SLC13A3: variants seen among roughly 807,000 people sequenced by gnomAD.
The protein encoded by SLC13A3 is solute carrier family 13 member 3.
SLC13A3 carries 40 observed loss-of-function variants against 59.0 expected under a neutral mutation model. That is an observed-to-expected ratio of 0.68 (90% CI 0.53 to 0.88). The LOEUF is 0.88. SLC13A3 is among the 40% of genes least tolerant of loss of function. SLC13A3 has a pLI of 0.00. For synonymous variants in SLC13A3, 317 were observed against 330.3 expected (o/e 0.96, Z 0.44); for missense variants, 699 against 783.2 (o/e 0.89, Z 1.28).
At chr20:46,675,010 G>A (rs1288740257), upstream of SLC13A3, among the ~76,000 whole-genome samples, 1 of 152,116 alleles carries the variant, frequency 6.6e-6, no homozygotes, top group Non-Finnish European at 1.5e-5. Context: ...AATGAGGGAG[G>A]CAGCCATGTG....
At chr20:46,603,070 C>T (rs1489146885) in intron 3 of SLC13A3, among the ~76,000 whole-genome samples, 1 of 151,866 alleles carries the variant, frequency 6.6e-6, no homozygotes, top group East Asian at 1.9e-4. Flanking sequence ...CCCAGCTACT[C>T]AGGAGGCTGA....
At chr20:46,648,233 C>CT (rs113781450) in intron 1 of SLC13A3, among the ~76,000 whole-genome samples, 77 of 147,890 alleles carry the variant, frequency 5.2e-4, no homozygotes, top group African/African-American at 7.4e-4. Context: ...GTGAGCTGCA[C>CT]TTTTTTTTTT....
At chr20:46,612,147 T>TTTTTG (rs1555879622) in intron 2 of SLC13A3, among the ~76,000 whole-genome samples, 1 of 145,558 alleles carries the variant, frequency 6.9e-6, no homozygotes, top group Non-Finnish European at 1.5e-5. Context: ...TTTTTTTTTT[T>TTTTTG]GAGACAGGGT....
intron 1 of SLC13A3, among the ~76,000 whole-genome samples, chr20:46,664,943 C>CA (rs1447585350): frequency 6.6e-6 from 1 of 152,068 alleles, no homozygotes; most frequent in Non-Finnish European, 1.5e-5. Flanking sequence ...AGCAAGGACT[C>CA]AAAGTAGGAT....
At chr20:46,575,851 A>G (rs1188740693) in intron 9 of SLC13A3, among the ~76,000 whole-genome samples, 166 bp from the exon 10 acceptor site, 2 of 152,168 alleles carry the variant, frequency 1.3e-5, no homozygotes, top group African/African-American at 4.8e-5. Context: ...CACAGGCATC[A>G]TGATAGGTGG....
intron 1 of SLC13A3, among the ~76,000 whole-genome samples, chr20:46,637,222 C>G (rs944449029): frequency 3.3e-5 from 5 of 152,178 alleles, no homozygotes; most frequent in Admixed American, 3.3e-4. Context: ...GAAGCTGGTC[C>G]TGGGGGAAGC....
At chr20:46,670,326 A>G (rs1331336851), upstream of SLC13A3, among the ~76,000 whole-genome samples, 1 of 151,986 alleles carries the variant, frequency 6.6e-6, no homozygotes, top group Non-Finnish European at 1.5e-5. Context: ...TCATGGCTTG[A>G]GCTCCAGCAG....
chr20:46,622,522 C>T (rs1362812235), intron 1 of SLC13A3, among the ~76,000 whole-genome samples: 4 of 151,912 alleles, frequency 2.6e-5, no homozygotes, highest in African/African-American at 9.7e-5. Flanking sequence ...CATTTATTTG[C>T]CTATTGTACT....
chr20:46,632,902 T>TAGAC (rs1414128597), intron 1 of SLC13A3, among the ~76,000 whole-genome samples: 971 of 50,122 alleles, frequency 0.019, 26 homozygotes, highest in South Asian at 0.028. Flanking sequence ...GATAGATAGA[T>TAGAC]AGATAGATAT....
At chr20:46,634,762 C>T (rs556606683) in intron 1 of SLC13A3, among the ~76,000 whole-genome samples, 142 of 152,250 alleles carry the variant, frequency 9.3e-4, no homozygotes, top group African/African-American at 3.3e-3. Context: ...GGGTAGAACA[C>T]GTTGTTCTGA....
intron 1 of SLC13A3, among the ~76,000 whole-genome samples, chr20:46,616,605 C>G (rs1056796552): frequency 2.6e-5 from 4 of 152,178 alleles, no homozygotes; most frequent in African/African-American, 9.7e-5. Flanking sequence ...GTGCTTGGAG[C>G]CAAAGGGCAT....
intron 9 of SLC13A3, among the ~76,000 whole-genome samples, chr20:46,580,022 G>A (rs1420376335): frequency 3.3e-5 from 5 of 152,040 alleles, no homozygotes; most frequent in Non-Finnish European, 7.4e-5. Context: ...CTGGAGTGCA[G>A]TGGCGTGATC....
intron 9 of SLC13A3, among the ~76,000 whole-genome samples, chr20:46,579,784 A>G (rs2062116748): frequency 6.6e-6 from 1 of 152,256 alleles, no homozygotes; most frequent in Non-Finnish European, 1.5e-5. Flanking sequence ...GGGAGATTCC[A>G]CATAAAAATC....
chr20:46,679,395 A>G (rs2063142571), intron 1 of SLC13A3, among the ~76,000 whole-genome samples: 1 of 151,972 alleles, frequency 6.6e-6, no homozygotes, highest in Admixed American at 6.6e-5. Context: ...TGTCTCTACT[A>G]ACAAATACAA....
chr20:46,571,093 G>T (rs1222946021), intron 10 of SLC13A3, among the ~76,000 whole-genome samples: 1 of 152,098 alleles, frequency 6.6e-6, no homozygotes, highest in African/African-American at 2.4e-5. Flanking sequence ...AGGGGGAAAA[G>T]CCCCTTACAA....
intron 1 of SLC13A3, among the ~76,000 whole-genome samples, chr20:46,617,222 A>G (rs1716187837): frequency 6.6e-6 from 1 of 152,214 alleles, no homozygotes. Context: ...TCATTCATCC[A>G]TCCATTTAGC....
At chr20:46,595,896 C>A (rs1600534424) in intron 5 of SLC13A3, among the ~76,000 whole-genome samples, 1 of 152,310 alleles carries the variant, frequency 6.6e-6, no homozygotes, top group East Asian at 1.9e-4. Flanking sequence ...CACTTCTACC[C>A]TCTTTCCCTG....
Position 46,666,768 on chromosome 20 carries a change from C to T in SLC13A3, c.-31+3275G>A, listed in dbSNP as rs190911124. On this transcript the variant is annotated intron_variant, in intron 1 of 12. Coordinates refer to the SLC13A3 transcript ENST00000290317. ...ACCCTCCTGCCTCGGCCTCTCAAAG[C>T]GTTGGGATTACAGGCATGAGCCATC... Among the ~76,000 whole-genome samples, 192 of 152,106 alleles carry T rather than the reference C, an allele frequency of 1.3e-3. 1 individual carries two copies. Among genetic ancestry groups the T allele is most frequent in the African/African-American group, 3.5e-3 (145 of 41,472 alleles).
At chr20:46,631,282 C>T (rs980331757) in intron 1 of SLC13A3, among the ~76,000 whole-genome samples, 1 of 152,102 alleles carries the variant, frequency 6.6e-6, no homozygotes, top group African/African-American at 2.4e-5. Flanking sequence ...ATTATTTGTT[C>T]CAATAGGGTC....
Sources: gnomAD v4.1 joint callset for allele counts (sites outside exome capture counted in the v4.1 genomes callset) on GRCh38, gnomAD v4.1.1 for gene constraint, MANE v1.5 for transcripts, NCBI Gene and HGNC (gene_info 2026-07-23, HGNC 2026-07-21) for gene names.